The following CYP20A1 variants were observed in gnomAD, a reference collection of about 807,000 sequenced individuals.
CYP20A1 encodes cytochrome P450 family 20 subfamily A member 1.
In CYP20A1, 61 loss-of-function variants were observed where a neutral mutation model predicts 61.4. The observed-to-expected ratio is 0.99, with a 90% CI of 0.81 to 1.23. The LOEUF (loss-of-function observed/expected upper bound fraction) is 1.23, where lower values mean the gene tolerates loss of function less well. Among genes scored for constraint, CYP20A1 ranks in the 50% most tolerant of loss-of-function variants. The pLI is 0.00. For missense variants in CYP20A1, 530 were observed against 542.4 expected (o/e 0.98, Z 0.23); for synonymous variants, 193 against 188.2 (o/e 1.03, Z -0.21).
At chr2:203,268,981 T>C (rs1430991220) in intron 5 of CYP20A1, among the ~76,000 whole-genome samples, 1 of 152,236 alleles carries the variant, frequency 6.6e-6, no homozygotes, top group East Asian at 1.9e-4. Flanking sequence ...AGATGCATAC[T>C]GATTTCACAG....
intron 9 of CYP20A1, among the ~76,000 whole-genome samples, chr2:203,288,061 CTTTTTTTT>C (rs869173270): frequency 1.4e-5 from 1 of 70,444 alleles, no homozygotes; most frequent in Non-Finnish European, 2.4e-5. Flanking sequence ...TTCTCTCTCT[CTTTTTTTT>C]TTTTTTTTTT....
At chr2:203,263,466 T>C (rs1468718665) in intron 4 of CYP20A1, among the ~76,000 whole-genome samples, 1 of 151,728 alleles carries the variant, frequency 6.6e-6, no homozygotes, top group Non-Finnish European at 1.5e-5. Context: ...ATTTTTGTAT[T>C]TTCAGTAGAG....
chr2:203,253,404 G>C (rs1320807011), intron 4 of CYP20A1, among the ~76,000 whole-genome samples: 3 of 152,172 alleles, frequency 2.0e-5, no homozygotes, highest in African/African-American at 7.2e-5. Flanking sequence ...AGAGGCAAAG[G>C]AGACAGTAAG....
chr2:203,272,418 T>G (rs1431012361), intron 5 of CYP20A1, among the ~76,000 whole-genome samples: 1 of 151,968 alleles, frequency 6.6e-6, no homozygotes, highest in Admixed American at 6.6e-5. Flanking sequence ...GGCACACAAC[T>G]GTAGTCCCAG....
rs2067982750 is a variant in CYP20A1, at chr2:203,280,113, T to G, written c.850T>G (p.Leu284Val). The G allele has an allele frequency of 1.2e-6, 2 of 1,601,686 alleles. No homozygotes were observed. The highest frequency in any genetic ancestry group is 1.7e-6 in the Non-Finnish European group (2 of 1,173,076). Residue 284 changes from leucine to valine, a missense_variant and splice_region_variant, in exon 8 of 13, where the codon TTG (leucine) becomes GTG (valine). Transcript: ENST00000356079. Reference protein sequence around the residue: ...SLASCIITAKLCTWAICFLTT... With the variant: ...SLASCIITAKVCTWAICFLTT... ...GGCCAGTTGCATAATAACTGCAAAATGTAAGTATAAATTGATTTCTTTTTC... is the reference window on the plus strand; with the variant it reads ...GGCCAGTTGCATAATAACTGCAAAAGGTAAGTATAAATTGATTTCTTTTTC...
At chr2:203,279,731 A>C (rs985036246) in intron 7 of CYP20A1, among the ~76,000 whole-genome samples, 3 of 152,192 alleles carry the variant, frequency 2.0e-5, no homozygotes, top group African/African-American at 7.2e-5. Flanking sequence ...TTGTTTACCA[A>C]AGTAGATCAT....
intron 8 of CYP20A1, among the ~76,000 whole-genome samples, chr2:203,280,880 T>C (rs2068017168): frequency 6.6e-6 from 1 of 152,210 alleles, no homozygotes; most frequent in African/African-American, 2.4e-5. Flanking sequence ...TGTGAATTCT[T>C]GTTAGTGCCT....
At chr2:203,281,412 G>A (rs746113581) in intron 8 of CYP20A1, among the ~76,000 whole-genome samples, 19 of 152,074 alleles carry the variant, frequency 1.2e-4, no homozygotes, top group Non-Finnish European at 2.4e-4. Flanking sequence ...GGAAGGCTAA[G>A]GTGGGAGGAT....
Position 203,300,052 on chromosome 2 carries a change from A to T in CYP20A1, c.*3144A>T, listed in dbSNP as rs1350105955. 1.3e-5 allele frequency among the ~76,000 whole-genome samples: 2 copies of T among 152,226 alleles called. No homozygotes were observed. Among genetic ancestry groups the T allele is most frequent in the Admixed American group, 1.3e-4 (2 of 15,270 alleles). On this transcript the variant is annotated 3_prime_UTR_variant, in exon 13 of 13. Transcript: ENST00000356079. ...TGATATGTAAACCAAGTGTCAGATC[A>T]GATGAGATGAAAGAGGTGGAGTTTA... is the stretch of plus-strand genomic sequence containing the variant.
intron 6 of CYP20A1, among the ~76,000 whole-genome samples, chr2:203,273,970 T>C (rs1283540566): frequency 5.9e-5 from 9 of 151,912 alleles, no homozygotes; most frequent in Admixed American, 5.9e-4. Flanking sequence ...AATAAAAAAT[T>C]AGCATCCTAA....
intron 1 of CYP20A1, among the ~76,000 whole-genome samples, chr2:203,239,959 G>A (rs1487253688): frequency 6.6e-6 from 1 of 152,142 alleles, no homozygotes; most frequent in Non-Finnish European, 1.5e-5. Flanking sequence ...AGCTGGCTGT[G>A]GTGGCGGGCG....
At chr2:203,290,023 C>T in intron 10 of CYP20A1, 147 bp downstream of exon 10, 1 of 331,416 alleles carries the variant, frequency 3.0e-6, no homozygotes, top group Non-Finnish European at 5.7e-6. Context: ...TCACTGCAAC[C>T]TCCACCTCCC....
In CYP20A1 at chr2:203,301,178, A is replaced by T. The variant is rs547682622; in HGVS notation, c.*4270A>T. ...ACCATTGCACTCCAGCCTGGGCAAG[A>T]AGAGTGAAACTCTATCCAAAAAAAA... On this transcript the variant is annotated 3_prime_UTR_variant, in exon 13 of 13. Coordinates refer to ENST00000356079, the MANE Select transcript of CYP20A1 (RefSeq NM_177538.3). 3.4e-5 allele frequency among the ~76,000 whole-genome samples: 5 copies of T among 148,172 alleles called. No homozygotes were observed. The highest frequency in any genetic ancestry group is 1.2e-4 in the African/African-American group (5 of 41,088).
Position 203,286,531 on chromosome 2 carries a change from A to G in CYP20A1, c.971+799A>G, listed in dbSNP as rs376737302. Among the ~76,000 whole-genome samples the G allele has an allele frequency of 2.6e-5, 4 of 152,232 alleles. 1 individual carries two copies. In the East Asian group the frequency reaches 5.8e-4, roughly 22 times the overall value. On this transcript the variant is annotated intron_variant, in intron 9 of 12. Coordinates refer to ENST00000356079, the MANE Select transcript of CYP20A1 (RefSeq NM_177538.3). ...ACCAAGTAATAAAAAGGAACACCGTATCAATACACACAACAACACAGATGA... is the reference window on the plus strand; with the variant it reads ...ACCAAGTAATAAAAAGGAACACCGTGTCAATACACACAACAACACAGATGA...
intron 3 of CYP20A1, among the ~76,000 whole-genome samples, chr2:203,249,731 G>A (rs568807520): frequency 8.2e-4 from 125 of 152,200 alleles, no homozygotes; most frequent in Non-Finnish European, 1.5e-3. Context: ...TGTAATCCCA[G>A]CTACTGGAGA....
At chr2:203,268,308 C>T (rs2067417497) in intron 5 of CYP20A1, among the ~76,000 whole-genome samples, 1 of 152,192 alleles carries the variant, frequency 6.6e-6, no homozygotes, top group African/African-American at 2.4e-5. Flanking sequence ...CTCCTCCCCT[C>T]CAATTCCAGG....
At chr2:203,295,290 G>T (rs989572045) in intron 11 of CYP20A1, among the ~76,000 whole-genome samples, 1 of 151,672 alleles carries the variant, frequency 6.6e-6, no homozygotes, top group East Asian at 1.9e-4. Context: ...GCCCAGGCTG[G>T]TCTCGAATTC....
intron 1 of CYP20A1, among the ~76,000 whole-genome samples, chr2:203,239,741 C>G (rs879677988): frequency 1.3e-5 from 2 of 152,242 alleles, no homozygotes; most frequent in African/African-American, 4.8e-5. Context: ...GCTGACGCCT[C>G]TGCGAGCCTC....
chr2:203,239,196 T>G, intron 1 of CYP20A1, 62 bp downstream of exon 1: 1 of 1,437,108 alleles, frequency 7.0e-7, no homozygotes, highest in Non-Finnish European at 9.7e-7. Flanking sequence ...GTCGCCGGCA[T>G]CCAGGCCAAC....
Sources: gnomAD v4.1 joint callset for allele counts (sites outside exome capture counted in the v4.1 genomes callset) on GRCh38, gnomAD v4.1.1 for gene constraint, MANE v1.5 for transcripts, NCBI Gene and HGNC (gene_info 2026-07-23, HGNC 2026-07-21) for gene names.